Variants in DLG2 observed in about 807,000 individuals in gnomAD.
DLG2 encodes discs large MAGUK scaffold protein 2.
DLG2 carries 45 observed loss-of-function variants against 132.5 expected under a neutral mutation model. The ratio of observed to expected loss-of-function variants is 0.34; its 90% CI spans 0.27 to 0.44. DLG2 has a LOEUF of 0.44. Among genes scored for constraint, DLG2 ranks in the 20% least tolerant of loss-of-function variants. The pLI is 1.00. For missense variants in DLG2, 1,045 were observed against 1,196.9 expected (o/e 0.87, Z 1.87); for synonymous variants, 424 against 419.6 (o/e 1.01, Z -0.13).
At chr11:84,978,535 G>A (rs2055248538) in intron 6 of DLG2, among the ~76,000 whole-genome samples, 1 of 152,084 alleles carries the variant, frequency 6.6e-6, no homozygotes, top group Non-Finnish European at 1.5e-5. Flanking sequence ...TCTGATCTTT[G>A]ACAAACCTGA....
chr11:85,438,083 G>C (rs1388795465), intron 3 of DLG2, among the ~76,000 whole-genome samples: 1 of 152,192 alleles, frequency 6.6e-6, no homozygotes, highest in African/African-American at 2.4e-5. Context: ...GAAGGCCAAG[G>C]GGGATGAGGC....
intron 10 of DLG2, among the ~76,000 whole-genome samples, chr11:84,073,029 G>A (rs771087202): frequency 2.6e-5 from 4 of 152,160 alleles, no homozygotes; most frequent in Non-Finnish European, 4.4e-5. Context: ...CATAAGTTTT[G>A]ATTTGTGGTT....
chr11:83,494,899 G>T (rs1456466885), intron 21 of DLG2, among the ~76,000 whole-genome samples: 1 of 152,164 alleles, frequency 6.6e-6, no homozygotes, highest in Non-Finnish European at 1.5e-5. Flanking sequence ...TAAACCACAT[G>T]AAGAACTAGA....
chr11:84,664,066 A>G (rs2099697545), intron 6 of DLG2, among the ~76,000 whole-genome samples: 1 of 152,162 alleles, frequency 6.6e-6, no homozygotes, highest in Non-Finnish European at 1.5e-5. Flanking sequence ...ACTATTTTAT[A>G]CCTTAAGAGG....
chr11:83,947,073 A>C (rs2084180947), intron 14 of DLG2, among the ~76,000 whole-genome samples: 1 of 152,196 alleles, frequency 6.6e-6, no homozygotes, highest in African/African-American at 2.4e-5. Context: ...TAGGAACTGG[A>C]AAGCGTCATG....
intron 6 of DLG2, among the ~76,000 whole-genome samples, chr11:84,779,501 C>G (rs1164094755): frequency 6.6e-6 from 1 of 152,024 alleles, no homozygotes; most frequent in Non-Finnish European, 1.5e-5. Context: ...ATCATATCAT[C>G]AGCAAACAGG....
intron 19 of DLG2, among the ~76,000 whole-genome samples, chr11:83,565,969 T>C (rs1460402560): frequency 6.6e-6 from 1 of 152,186 alleles, no homozygotes; most frequent in South Asian, 2.1e-4. Flanking sequence ...GTTTCTGCAA[T>C]AGCAACATCA....
chr11:84,423,608 T>C (rs985677094), intron 7 of DLG2, among the ~76,000 whole-genome samples: 2 of 152,194 alleles, frequency 1.3e-5, no homozygotes, highest in Non-Finnish European at 1.5e-5. Context: ...TGTTGAGTAC[T>C]GAATAGGCCA....
intron 4 of DLG2, among the ~76,000 whole-genome samples, chr11:85,183,892 A>G (rs2079907416): frequency 6.6e-6 from 1 of 151,998 alleles, no homozygotes; most frequent in African/African-American, 2.4e-5. Flanking sequence ...GGCAATTAAG[A>G]TGTTTAAGCA....
At chr11:85,023,342 G>A (rs1331373717) in intron 6 of DLG2, among the ~76,000 whole-genome samples, 2 of 151,962 alleles carry the variant, frequency 1.3e-5, no homozygotes, top group Non-Finnish European at 2.9e-5. Context: ...TGTAAAATTC[G>A]ATTTGCAACC....
chr11:83,625,152 A>C (rs1370305986), intron 19 of DLG2, among the ~76,000 whole-genome samples: 1 of 152,210 alleles, frequency 6.6e-6, no homozygotes, highest in Non-Finnish European at 1.5e-5. Flanking sequence ...AGTACTGGGC[A>C]GGGGGGTGCA....
At chr11:84,913,641 A>C (rs1250483858) in intron 6 of DLG2, among the ~76,000 whole-genome samples, 1 of 152,222 alleles carries the variant, frequency 6.6e-6, no homozygotes, top group Non-Finnish European at 1.5e-5. Flanking sequence ...AATCCAATAG[A>C]CATGCATTCA....
At chr11:85,262,253 A>G (rs988791556) in intron 4 of DLG2, among the ~76,000 whole-genome samples, 1 of 152,222 alleles carries the variant, frequency 6.6e-6, no homozygotes, top group Non-Finnish European at 1.5e-5. Flanking sequence ...GTAGGCCTCC[A>G]TAACAACTGT....
intron 16 of DLG2, among the ~76,000 whole-genome samples, chr11:83,858,955 C>T (rs908570033): frequency 6.6e-6 from 1 of 152,158 alleles, no homozygotes; most frequent in Non-Finnish European, 1.5e-5. Flanking sequence ...TTGGCCGTGT[C>T]CCCACTCAAA....
chr11:84,704,833 A>G (rs974538920), intron 6 of DLG2, among the ~76,000 whole-genome samples: 2 of 150,520 alleles, frequency 1.3e-5, no homozygotes, highest in Non-Finnish European at 3.0e-5. Flanking sequence ...ATCTACAGGT[A>G]GTAACTAGTT....
intron 3 of DLG2, among the ~76,000 whole-genome samples, chr11:85,539,472 T>G (rs1344438212): frequency 2.6e-5 from 4 of 152,182 alleles, no homozygotes; most frequent in Non-Finnish European, 5.9e-5. Flanking sequence ...ACAGAAAGTA[T>G]AATAATAGTT....
At chr11:85,078,599 C>G (rs537241873) in intron 6 of DLG2, among the ~76,000 whole-genome samples, 1 of 151,940 alleles carries the variant, frequency 6.6e-6, no homozygotes, top group Non-Finnish European at 1.5e-5. Context: ...ACTGAAATAA[C>G]CTTTCCTGTA....
chr11:83,736,314 G>A (rs1339831538), intron 18 of DLG2, among the ~76,000 whole-genome samples: 1 of 152,130 alleles, frequency 6.6e-6, no homozygotes, highest in Non-Finnish European at 1.5e-5. Flanking sequence ...TAGGGGAAAA[G>A]GGTATTACAC....
At chr11:85,197,173 C>T (rs1322624938) in intron 4 of DLG2, among the ~76,000 whole-genome samples, 2 of 152,114 alleles carry the variant, frequency 1.3e-5, no homozygotes, top group African/African-American at 4.8e-5. Context: ...GACCTTTCTA[C>T]GATGTAATAT....
Sources: allele counts gnomAD v4.1 joint callset (sites outside exome capture counted in the v4.1 genomes callset), GRCh38; gene constraint gnomAD v4.1.1; transcripts MANE v1.5; gene names NCBI Gene and HGNC (gene_info 2026-07-23, HGNC 2026-07-21).